Variants in SLC9C2 observed in about 807,000 individuals in gnomAD.
The protein encoded by SLC9C2 is solute carrier family 9 member C2 (putative).
A neutral mutation model predicts 140.2 loss-of-function variants in SLC9C2; 75 were observed. That is an observed-to-expected ratio of 0.53 (90% CI 0.44 to 0.65). SLC9C2 has a LOEUF of 0.65. Among genes scored for constraint, SLC9C2 ranks in the 30% least tolerant of loss-of-function variants. The probability of loss-of-function intolerance (pLI) is 0.00; values close to 1 mark genes in which losing one functional copy is unlikely to be tolerated. For missense variants in SLC9C2, 1,074 were observed against 1,331.8 expected, an observed-to-expected ratio of 0.81 and a Z score of 3.01; for synonymous variants, 375 against 420.9, an observed-to-expected ratio of 0.89 and a Z score of 1.34.
intron 23 of SLC9C2, among the ~76,000 whole-genome samples, chr1:173,516,210 G>C (rs1049557317): frequency 3.9e-5 from 6 of 152,158 alleles, no homozygotes; most frequent in African/African-American, 1.4e-4. Context: ...ATTTCTATTT[G>C]AATTCCCCAC....
At chr1:173,550,872 AAG>A (rs143296396) in intron 11 of SLC9C2, among the ~76,000 whole-genome samples, 1,825 of 86,374 alleles carry the variant, frequency 0.021, 70 homozygotes, top group African/African-American at 0.097. Context: ...GAGCCGTTGA[AAG>A]AGAGAGAGAG....
At chr1:173,507,153 C>T (rs1196638079) in intron 24 of SLC9C2, 112 bp from the exon 25 acceptor site, 2 of 797,164 alleles carry the variant, frequency 2.5e-6, no homozygotes, top group Admixed American at 2.7e-5. Flanking sequence ...AGAAGGTACA[C>T]AGCCCCTGGC....
chr1:173,505,220 T>C, intron 26 of SLC9C2, 27 bp downstream of exon 26: 1 of 1,570,430 alleles, frequency 6.4e-7, no homozygotes, highest in East Asian at 2.2e-5. Context: ...TCAATAGTTT[T>C]CCTACCACTA....
rs905295372 is a variant in SLC9C2 at position 173,597,846 on chromosome 1, T to C, written c.357+58A>G. The C allele has an allele frequency of 2.0e-6, 3 of 1,480,930 alleles. No homozygotes were observed. In the South Asian group the frequency reaches 4.0e-5, roughly 20 times the overall value. The allele number at this position is 1,480,930 out of a possible 1,614,324, so 91.7% of individuals were successfully genotyped here. A position where few individuals can be genotyped will look rare whatever the true frequency, so the allele number is the denominator to read the frequency against. On this transcript the variant is annotated intron_variant, in intron 4 of 27. Coordinates refer to ENST00000367714, the MANE Select transcript of SLC9C2 (RefSeq NM_178527.4). ...TAATCATCTATATAGGCAGCCATAT[T>C]CTCTATCAACGTGCATAAGCAAGAA...
At chr1:173,530,715 A>G (rs1430761026) in intron 17 of SLC9C2, among the ~76,000 whole-genome samples, 1 of 152,204 alleles carries the variant, frequency 6.6e-6, no homozygotes, top group African/African-American at 2.4e-5. Context: ...TCTAAATACC[A>G]GAATTCCAAT....
At chr1:173,576,551 A>T in intron 8 of SLC9C2, 110 bp downstream of exon 8, 1 of 614,120 alleles carries the variant, frequency 1.6e-6, no homozygotes, top group Non-Finnish European at 2.8e-6. Flanking sequence ...TAAAATTTTC[A>T]AGATAAAGAA....
chr1:173,601,602 A>G, intron 2 of SLC9C2, 48 bp downstream of exon 2: 2 of 1,589,630 alleles, frequency 1.3e-6, no homozygotes, highest in Non-Finnish European at 1.7e-6. Flanking sequence ...GCATTGACAA[A>G]AGGTTCACAG....
At chr1:173,567,396 C>T (rs1381418878) in intron 9 of SLC9C2, among the ~76,000 whole-genome samples, 4 of 151,968 alleles carry the variant, frequency 2.6e-5, no homozygotes, top group African/African-American at 4.8e-5. Flanking sequence ...GAATTGACTC[C>T]TTTATCATTA....
In SLC9C2 at chr1:173,573,222, G is replaced by T. The variant is rs1215714350; in HGVS notation, c.1006C>A (p.Pro336Thr). 26 of 1,571,662 alleles carry T rather than the reference G, an allele frequency of 1.7e-5. No homozygotes were observed. Among genetic ancestry groups the T allele is most frequent in the Non-Finnish European group, 2.0e-5 (23 of 1,145,678 alleles). ...GTTGTAAATAAAATGAATATGAAAG[G>T]TATAGTGTGAAATTCATAGTGGCTG... ...ELSHYEFHTI[P>T]FIFILFTTVN... The change falls in exon 9 of 28, where the codon CCT (proline) becomes ACT (threonine). Residue 336 changes from proline (P) to threonine (T), a missense_variant. Physicochemically the swap from Pro to Thr is conservative, Grantham distance 38. Coordinates refer to ENST00000367714, the MANE Select transcript of SLC9C2 (RefSeq NM_178527.4).
intron 13 of SLC9C2, among the ~76,000 whole-genome samples, chr1:173,540,597 G>T (rs1324793168): frequency 6.6e-6 from 1 of 152,158 alleles, no homozygotes; most frequent in African/African-American, 2.4e-5. Context: ...CTATCAAAAG[G>T]CAGTACCACT....
At position 173,561,578 on chromosome 1, in the gene SLC9C2, C is replaced by A. The variant is rs1034928672; in HGVS notation, c.1047-4070G>T. 2.0e-5 allele frequency among the ~76,000 whole-genome samples: 3 copies of A among 152,218 alleles called. 1 individual carries two copies. The highest frequency in any genetic ancestry group is 6.8e-3 in the Middle Eastern group (2 of 294). ...CTTGTCAGAGAAATGTGGGGTCCTG[C>A]TGATGAATGGAGTATGGATGGGAAG... On this transcript the variant is annotated intron_variant, in intron 9 of 27. Transcript: ENST00000367714.
intron 19 of SLC9C2, among the ~76,000 whole-genome samples, chr1:173,526,217 T>C (rs1661183695): frequency 2.6e-5 from 4 of 152,222 alleles, no homozygotes; most frequent in Non-Finnish European, 5.9e-5. Context: ...TGACTGTAGA[T>C]ACTCAGGAAA....
At chr1:173,551,537 C>T (rs1458518293) in intron 11 of SLC9C2, among the ~76,000 whole-genome samples, 1 of 152,322 alleles carries the variant, frequency 6.6e-6, no homozygotes, top group East Asian at 1.9e-4. Context: ...CTTCATATCT[C>T]TGTGTCTACA....
In SLC9C2 at chr1:173,529,987, C is replaced by T. The variant is rs760535677; in HGVS notation, c.2231G>A (p.Ser744Asn). 2.5e-6 allele frequency: 4 copies of T among 1,613,422 alleles called. No homozygotes were observed. In the South Asian group the frequency reaches 4.4e-5, roughly 18 times the overall value. The change falls in exon 18 of 28, where the codon AGT becomes AAT. Residue 744 changes from serine (S) to asparagine (N), a missense_variant. Transcript: ENST00000367714. ...QIKKRLSLMY[S>N]ITKGYIKSQE... ...ACTTTTGATATAGCCTTTTGTAATA[C>T]TATACATCAAGCTGAGGCGCTTTTT...
At chr1:173,561,548 G>C (rs1267468720) in intron 9 of SLC9C2, among the ~76,000 whole-genome samples, 1 of 152,114 alleles carries the variant, frequency 6.6e-6, no homozygotes, top group Admixed American at 6.5e-5. Flanking sequence ...CACACTGGGG[G>C]GAAGCTTGTC....
intron 7 of SLC9C2, among the ~76,000 whole-genome samples, chr1:173,579,885 C>A (rs1040236588): frequency 1.3e-5 from 2 of 152,110 alleles, no homozygotes; most frequent in Admixed American, 6.6e-5. Flanking sequence ...TCTAGGGAAC[C>A]CCATCCTACC....
chr1:173,509,556 C>A lies in SLC9C2; in HGVS notation c.3039+12G>T. ...AAATTCAATTTATTAATATTTTAAT[C>A]ACATAACTTACCTCATCAATAAGAC... is the stretch of plus-strand genomic sequence containing the variant. On this transcript the variant is annotated intron_variant, in intron 24 of 27. Coordinates refer to ENST00000367714, the MANE Select transcript of SLC9C2 (RefSeq NM_178527.4). 1 of 1,501,826 alleles carries A rather than the reference C, an allele frequency of 6.7e-7. No homozygotes were observed. The highest frequency in any genetic ancestry group is 2.6e-5 in the Admixed American group (1 of 38,772). The allele number at this position is 1,501,826 out of a possible 1,614,324, so 93.0% of individuals were successfully genotyped here.
At chr1:173,583,187 A>G (rs1340554494) in intron 6 of SLC9C2, among the ~76,000 whole-genome samples, 1 of 152,192 alleles carries the variant, frequency 6.6e-6, no homozygotes, top group African/African-American at 2.4e-5. Flanking sequence ...TGTGTACTTT[A>G]AATCATCTCT....
chr1:173,557,838 C>T (rs1354529885), intron 9 of SLC9C2, among the ~76,000 whole-genome samples: 1 of 152,136 alleles, frequency 6.6e-6, no homozygotes, highest in Admixed American at 6.5e-5. Flanking sequence ...CTCATCTACT[C>T]CCTGAAAAGC....
Sources: allele counts gnomAD v4.1 joint callset (sites outside exome capture counted in the v4.1 genomes callset), GRCh38; gene constraint gnomAD v4.1.1; transcripts MANE v1.5; gene names NCBI Gene and HGNC (gene_info 2026-07-23, HGNC 2026-07-21).